ABAT: variants seen among roughly 807,000 people sequenced by gnomAD.
The protein encoded by ABAT is 4-aminobutyrate aminotransferase.
Under a neutral mutation model 64.6 loss-of-function variants are expected in ABAT, and 45 were observed. The ratio of observed to expected loss-of-function variants is 0.70; its 90% CI spans 0.55 to 0.89. The LOEUF (loss-of-function observed/expected upper bound fraction) is 0.89. Ranked by LOEUF, ABAT falls within the 40% of genes least tolerant of loss-of-function variation. ABAT has a pLI of 0.00. For synonymous variants in ABAT, 297 were observed against 250.5 expected, an observed-to-expected ratio of 1.19 and a Z score of -1.75; for missense variants, 633 against 658.4, an observed-to-expected ratio of 0.96 and a Z score of 0.42.
intron 11 of ABAT, among the ~76,000 whole-genome samples, chr16:8,769,489 G>A (rs1016444982): frequency 1.3e-5 from 2 of 148,926 alleles, no homozygotes; most frequent in African/African-American, 5.0e-5. Flanking sequence ...GACCCGGGAG[G>A]CAGAGGTTGC....
At chr16:8,746,214 C>A (rs2059324552) in intron 3 of ABAT, 116 bp downstream of exon 3, 1 of 810,706 alleles carries the variant, frequency 1.2e-6, no homozygotes. Context: ...TCAGAGAGTT[C>A]ACCACCAGAG....
intron 11 of ABAT, 28 bp downstream of exon 11, chr16:8,769,001 C>T (rs1321243900): frequency 1.2e-6 from 2 of 1,613,580 alleles, no homozygotes; most frequent in African/African-American, 1.3e-5. Flanking sequence ...CGGATCCTCC[C>T]CAACCACCAG....
At chr16:8,690,372 C>T (rs2057552371) in intron 1 of ABAT, among the ~76,000 whole-genome samples, 1 of 152,220 alleles carries the variant, frequency 6.6e-6, no homozygotes, top group South Asian at 2.1e-4. Context: ...ATGATTCCTA[C>T]TCTATGGATA....
rs958513939 is a variant in ABAT at position 8,735,587 on chromosome 16, G to T, written c.-41-112G>T. The T allele has an allele frequency of 8.7e-6, 8 of 921,064 alleles. No homozygotes were observed. In the African/African-American group the frequency reaches 1.3e-4, roughly 15 times the overall value. The allele number at this position is 921,064 out of a possible 1,614,324, so 57.1% of individuals were successfully genotyped here. The stretch of plus-strand genomic sequence containing the variant: ...TGTTCAGTATAAAACCCAAGCATTT[G>T]ACAATGTCAGAAGAACTTTCTCTAT... On this transcript the variant is annotated intron_variant, in intron 1 of 15. Transcript: ENST00000268251.
intron 6 of ABAT, among the ~76,000 whole-genome samples, chr16:8,759,228 G>A (rs1323897421): frequency 6.6e-6 from 1 of 152,036 alleles, no homozygotes; most frequent in African/African-American, 2.4e-5. Context: ...TTTGTTATTG[G>A]AACATCCCTT....
chr16:8,733,002 CG>C (rs1408468355), intron 1 of ABAT, among the ~76,000 whole-genome samples: 1 of 146,260 alleles, frequency 6.8e-6, no homozygotes, highest in Admixed American at 6.7e-5. Context: ...CCCTCCCGGA[CG>C]GGGCGGCTGG....
intron 3 of ABAT, among the ~76,000 whole-genome samples, chr16:8,747,088 A>G (rs1462498303): frequency 1.3e-5 from 2 of 152,200 alleles, no homozygotes; most frequent in Non-Finnish European, 2.9e-5. Context: ...AGTTCTGCTG[A>G]GGCCTGGGTT....
rs540618454 is a variant in ABAT at position 8,755,859 on chromosome 16, G to C, written c.317-1898G>C. 1.8e-3 allele frequency among the ~76,000 whole-genome samples: 275 copies of C among 152,280 alleles called. 1 individual carries two copies. The highest frequency in any genetic ancestry group is 6.4e-3 in the African/African-American group (266 of 41,574). On this transcript the variant is annotated intron_variant, in intron 5 of 15. Coordinates refer to ENST00000268251, the MANE Select transcript of ABAT (RefSeq NM_020686.6). ...GGTCAGCAGATTGAGACCATCCTGG[G>C]TAACACGATGAAACCCCGTCTCTAC...
intron 1 of ABAT, among the ~76,000 whole-genome samples, chr16:8,703,980 A>G (rs1358693681): frequency 6.6e-6 from 1 of 152,248 alleles, no homozygotes; most frequent in East Asian, 1.9e-4. Flanking sequence ...TCTGCATCCC[A>G]GAGCACAGAG....
At chr16:8,691,015 AT>A (rs2057566637) in intron 1 of ABAT, among the ~76,000 whole-genome samples, 1 of 151,796 alleles carries the variant, frequency 6.6e-6, no homozygotes. Flanking sequence ...TTGTTTTAGA[AT>A]TTTTAGAATA....
chr16:8,703,846 C>T (rs1228187806), intron 1 of ABAT, among the ~76,000 whole-genome samples: 1 of 152,194 alleles, frequency 6.6e-6, no homozygotes, highest in East Asian at 1.9e-4. Context: ...GTTTCTCTTG[C>T]CACTATTCAA....
At chr16:8,713,780 C>T (rs1596412074) in intron 1 of ABAT, 3 of 438,588 alleles carry the variant, frequency 6.8e-6, no homozygotes, top group East Asian at 7.1e-5. Context: ...CAGCCAGCTG[C>T]GTTCCTGGCC....
intron 1 of ABAT, among the ~76,000 whole-genome samples, chr16:8,720,185 G>A (rs2058327413): frequency 6.6e-6 from 1 of 152,164 alleles, no homozygotes; most frequent in African/African-American, 2.4e-5. Context: ...CACATCCTAT[G>A]TACTTTCTTC....
intron 1 of ABAT, among the ~76,000 whole-genome samples, chr16:8,707,353 A>ATTTTTTTTTTTTTTTTTTTTTTTTTT (rs386384172): frequency 7.3e-5 from 9 of 123,940 alleles, no homozygotes; most frequent in African/African-American, 3.0e-4. Flanking sequence ...TGCCAGGGTA[A>ATTTTTTTTTTTTTTTTTTTTTTTTTT]TTTTTTTTTT....
chr16:8,737,365 T>G (rs2058976014), intron 2 of ABAT: 1 of 151,830 alleles, frequency 6.6e-6, no homozygotes, highest in Non-Finnish European at 1.5e-5. Flanking sequence ...TAATCCCAAC[T>G]ACTCAGCAGG....
At chr16:8,743,854 C>T (rs1042194711) in intron 2 of ABAT, among the ~76,000 whole-genome samples, 1 of 151,920 alleles carries the variant, frequency 6.6e-6, no homozygotes, top group Non-Finnish European at 1.5e-5. Flanking sequence ...ATTTCCCAAC[C>T]ACCAAATAGT....
intron 1 of ABAT, among the ~76,000 whole-genome samples, chr16:8,726,037 A>AT (rs1040996588): frequency 2.1e-4 from 32 of 151,232 alleles, no homozygotes; most frequent in Middle Eastern, 6.8e-3. Flanking sequence ...ATTCTTTCTA[A>AT]TTTTTTTTGT....
At chr16:8,680,093 C>T (rs1462979071) in intron 1 of ABAT, among the ~76,000 whole-genome samples, 1 of 152,156 alleles carries the variant, frequency 6.6e-6, no homozygotes. Context: ...GACCCTCCCC[C>T]ACCTCCAGCC....
chr16:8,765,622 G>A (rs1339171408), intron 8 of ABAT, among the ~76,000 whole-genome samples: 1 of 152,022 alleles, frequency 6.6e-6, no homozygotes, highest in African/African-American at 2.4e-5. Flanking sequence ...CTGATATCAT[G>A]CTACTGCACT....
Sources: gnomAD v4.1 joint callset for allele counts (sites outside exome capture counted in the v4.1 genomes callset) on GRCh38, gnomAD v4.1.1 for gene constraint, MANE v1.5 for transcripts, NCBI Gene and HGNC (gene_info 2026-07-23, HGNC 2026-07-21) for gene names.